CHIA: variants seen among roughly 807,000 people sequenced by gnomAD.
CHIA encodes chitinase acidic.
Under a neutral mutation model 53.5 loss-of-function variants are expected in CHIA, and 47 were observed. That is an observed-to-expected ratio of 0.88 (90% CI 0.70 to 1.12). The LOEUF is 1.12. Ranked by LOEUF, CHIA falls within the 50% of genes most tolerant of loss-of-function variation. The pLI, the probability that CHIA is intolerant of heterozygous loss-of-function variation, is 0.00. For synonymous variants in CHIA, 268 were observed against 222.2 expected, an observed-to-expected ratio of 1.21 and a Z score of -1.83; for missense variants, 652 against 592.2, an observed-to-expected ratio of 1.10 and a Z score of -1.05.
Position 111,320,557 on chromosome 1 carries a change from C to A in CHIA, c.*91C>A. The A allele has an allele frequency of 1.6e-6, 2 of 1,212,990 alleles. No homozygotes were observed. Among genetic ancestry groups the A allele is most frequent in the South Asian group, 2.7e-5 (2 of 73,216 alleles). 75.1% of individuals were successfully genotyped at this position (1,212,990 alleles called of 1,614,324 possible). On this transcript the variant is annotated 3_prime_UTR_variant, in exon 12 of 12. Coordinates refer to ENST00000369740, the MANE Select transcript of CHIA (RefSeq NM_201653.4). ...AAAGTCCTGCAATAAAATCAGCAGT[C>A]AAAACATGACTGTCCTTGCTTTTAA...
In CHIA at chr1:111,311,730, A is replaced by T. The variant is rs768344827; in HGVS notation, c.55+12A>T. 7.4e-6 allele frequency: 12 copies of T among 1,612,358 alleles called. No individual in the cohort carries two copies. The highest frequency in any genetic ancestry group is 9.3e-6 in the Non-Finnish European group (11 of 1,178,872). ...GAATTTGCAGCTCGGTAAGTCATGG[A>T]CTCCATGTTTTATCATTGAATGTAT... On this transcript the variant is annotated intron_variant, in intron 3 of 11. Coordinates refer to ENST00000369740, the MANE Select transcript of CHIA (RefSeq NM_201653.4).
intron 2 of CHIA, 105 bp from the exon 3 acceptor site, chr1:111,311,584 G>T: frequency 3.1e-6 from 4 of 1,293,320 alleles, no homozygotes; most frequent in East Asian, 2.3e-5. Flanking sequence ...TCTCACTGAG[G>T]TTGTAACAAT....
At chr1:111,304,178 G>T (rs572407846) in intron 1 of CHIA, among the ~76,000 whole-genome samples, 6 of 152,014 alleles carry the variant, frequency 3.9e-5, no homozygotes, top group Non-Finnish European at 7.4e-5. Flanking sequence ...CTTTGCCTTT[G>T]TCCTTTAAAA....
chr1:111,315,215 T>G (rs1246864765), intron 5 of CHIA, 55 bp from the exon 6 acceptor site: 1 of 1,351,530 alleles, frequency 7.4e-7, no homozygotes, highest in African/African-American at 1.4e-5. Context: ...TTGATTTTAC[T>G]CCAAGGTGTT....
chr1:111,312,605 A>G (rs1648778864), intron 4 of CHIA, among the ~76,000 whole-genome samples: 1 of 152,224 alleles, frequency 6.6e-6, no homozygotes, highest in South Asian at 2.1e-4. Context: ...GCTCAATCGA[A>G]CTATCAACAT....
intron 1 of CHIA, among the ~76,000 whole-genome samples, chr1:111,293,316 C>A (rs1255408569): frequency 2.6e-5 from 4 of 152,154 alleles, no homozygotes; most frequent in African/African-American, 9.7e-5. Flanking sequence ...ATTTGATAGG[C>A]ATTTCCTTAA....
In CHIA at chr1:111,320,492, A is replaced by G. The variant is rs1336512326; in HGVS notation, c.*26A>G. 3.7e-6 allele frequency: 6 copies of G among 1,601,552 alleles called. No individual in the cohort carries two copies. Among genetic ancestry groups the G allele is most frequent in the Middle Eastern group, 1.7e-4 (1 of 6,034 alleles). ...ACCTGACCTGGTCTATATTCCCTAGAGTTCCAGTCTCTTTTGCTTAGGACA... is the reference window on the plus strand; with the variant it reads ...ACCTGACCTGGTCTATATTCCCTAGGGTTCCAGTCTCTTTTGCTTAGGACA... On this transcript the variant is annotated 3_prime_UTR_variant, in exon 12 of 12. Coordinates refer to ENST00000369740, the MANE Select transcript of CHIA (RefSeq NM_201653.4).
At chr1:111,315,635 G>A in intron 6 of CHIA, 200 bp downstream of exon 6, 1 of 604,606 alleles carries the variant, frequency 1.7e-6, no homozygotes, top group Middle Eastern at 3.1e-4. Context: ...TCTGTGCCAG[G>A]CACTGCTCTA....
chr1:111,319,244 G>C lies in CHIA; in HGVS notation c.1035+5G>C. The stretch of plus-strand genomic sequence containing the variant: ...ATCAAGAGCTTCGATATTAAGGTAA[G>C]ATCAGTCCCTTAAATGTGCTGAGGT... On this transcript the variant is annotated splice_donor_5th_base_variant and intron_variant, in intron 10 of 11. Transcript: ENST00000369740. 2 of 1,614,204 alleles carry C rather than the reference G, an allele frequency of 1.2e-6. No individual in the cohort carries two copies. Among genetic ancestry groups the C allele is most frequent in the Middle Eastern group, 1.6e-4 (1 of 6,062 alleles).
chr1:111,311,742 A>G, intron 3 of CHIA, 24 bp downstream of exon 3: 6 of 1,609,522 alleles, frequency 3.7e-6, no homozygotes, highest in Non-Finnish European at 5.1e-6. Flanking sequence ...TCCATGTTTT[A>G]TCATTGAATG....
Position 111,319,463 on chromosome 1 carries a change from G to A in CHIA, c.1172G>A (p.Ser391Asn), listed in dbSNP as rs1649473220. 1 of 1,613,676 alleles carries A rather than the reference G, an allele frequency of 6.2e-7. No individual in the cohort carries two copies. Among genetic ancestry groups the A allele is most frequent in the Admixed American group, 1.7e-5 (1 of 60,018 alleles). Reference protein sequence around the residue: ...STLKKALGLQSASCTAPAQPI... With the variant: ...STLKKALGLQNASCTAPAQPI... ...CTGAAGAAGGCCCTCGGCCTGCAGAGTGCAAGTAAGTGACTGAGGGGGAAT... is the reference window on the plus strand; with the variant it reads ...CTGAAGAAGGCCCTCGGCCTGCAGAATGCAAGTAAGTGACTGAGGGGGAAT... The change falls in exon 11 of 12, where the codon AGT becomes AAT. Residue 391 changes from serine (S) to asparagine (N), a missense_variant. Coordinates refer to ENST00000369740, the MANE Select transcript of CHIA (RefSeq NM_201653.4).
intron 3 of CHIA, 74 bp from the exon 4 acceptor site, chr1:111,312,116 G>T: frequency 8.1e-7 from 1 of 1,231,984 alleles, no homozygotes. Context: ...GGAAACAGAG[G>T]CAAGGCCAAA....
chr1:111,309,147 C>A (rs1278029995), intron 1 of CHIA, among the ~76,000 whole-genome samples: 1 of 152,158 alleles, frequency 6.6e-6, no homozygotes, highest in Non-Finnish European at 1.5e-5. Context: ...TGTAACAAAC[C>A]TGCACACCTT....
Position 111,319,405 on chromosome 1 carries a change from T to G in CHIA, c.1114T>G (p.Cys372Gly), listed in dbSNP as rs765520051. 2 of 1,614,198 alleles carry G rather than the reference T, an allele frequency of 1.2e-6. No homozygotes were observed. The highest frequency in any genetic ancestry group is 2.2e-5 in the South Asian group (2 of 91,084). Residue 372 changes from cysteine (C) to glycine (G), a missense_variant, in exon 11 of 12, where the codon TGC becomes GGC. Cys to Gly is a radical substitution (Grantham distance 159, BLOSUM62 -3). Transcript: ENST00000369740. ...IDLDDFTGTF[C>G]NQGKFPLIST... ...TCTGGATGACTTCACTGGCACTTTC[T>G]GCAACCAGGGCAAGTTTCCCCTAAT... is the stretch of plus-strand genomic sequence containing the variant.
At chr1:111,308,547 G>A (rs1055758811) in intron 1 of CHIA, among the ~76,000 whole-genome samples, 5 of 152,102 alleles carry the variant, frequency 3.3e-5, no homozygotes, top group African/African-American at 9.7e-5. Context: ...TCTGATGATA[G>A]TCATTTTTTT....
chr1:111,313,060 G>A (rs1648819496), intron 4 of CHIA, among the ~76,000 whole-genome samples: 1 of 152,140 alleles, frequency 6.6e-6, no homozygotes. Flanking sequence ...CCATTGAGGG[G>A]CACTTAGATT....
At position 111,320,421 on chromosome 1, in the gene CHIA, C is replaced by G. The variant is rs140461957; in HGVS notation, c.1386C>G (p.Ala462=). ...TCACGTACCAGCAGAACTGCCAGGCCGGGCTTGTCTTCGACACCAGCTGTG... is the reference window on the plus strand; with the variant it reads ...TCACGTACCAGCAGAACTGCCAGGCGGGGCTTGTCTTCGACACCAGCTGTG... ...NGVTYQQNCQ[A]GLVFDTSCDC... Residue 462 remains alanine, a synonymous_variant, in exon 12 of 12, where the codon GCC becomes GCG. Transcript: ENST00000369740. 2 of 1,614,030 alleles carry G rather than the reference C, an allele frequency of 1.2e-6. No individual in the cohort carries two copies. The highest frequency in any genetic ancestry group is 2.7e-5 in the African/African-American group (2 of 74,912).
At chr1:111,306,101 G>A (rs1043766584) in intron 1 of CHIA, among the ~76,000 whole-genome samples, 2 of 152,120 alleles carry the variant, frequency 1.3e-5, no homozygotes, top group African/African-American at 4.8e-5. Flanking sequence ...AACTTGACAG[G>A]CAACCCATTT....
At chr1:111,310,227 C>G (rs1274750915) in intron 1 of CHIA, 173 bp from the exon 2 acceptor site, 3 of 729,366 alleles carry the variant, frequency 4.1e-6, no homozygotes, top group Non-Finnish European at 6.0e-6. Context: ...ATGGTCTCCA[C>G]CACCCTGTTA....
Sources: gnomAD v4.1 joint callset for allele counts (sites outside exome capture counted in the v4.1 genomes callset) on GRCh38, gnomAD v4.1.1 for gene constraint, MANE v1.5 for transcripts, NCBI Gene and HGNC (gene_info 2026-07-23, HGNC 2026-07-21) for gene names.